AXL: variants seen among roughly 807,000 people sequenced by gnomAD.
AXL encodes the protein AXL receptor tyrosine kinase.
Under a neutral mutation model 104.5 loss-of-function variants are expected in AXL, and 52 were observed. The observed-to-expected ratio is 0.50, with a 90% CI of 0.40 to 0.63. The LOEUF is 0.63. AXL is among the 20% of genes least tolerant of loss of function. The pLI is 0.00. For synonymous variants in AXL, 455 were observed against 473.7 expected (o/e 0.96, Z 0.51); for missense variants, 1,024 against 1,188.5 (o/e 0.86, Z 2.04).
rs199709000 is a variant in AXL, at chr19:41,259,618, G to A, written c.2399G>A (p.Arg800Gln). The A allele has an allele frequency of 1.2e-4, 199 of 1,613,760 alleles. No individual in the cohort carries two copies. Among genetic ancestry groups the A allele is most frequent in the Admixed American group, 2.5e-4 (15 of 59,970 alleles). The change falls in exon 20 of 20, where the codon CGG becomes CAG. Residue 800 changes from arginine to glutamine, a missense_variant. Physicochemically the swap from Arg to Gln is conservative, Grantham distance 43. Coordinates refer to ENST00000301178, the MANE Select transcript of AXL (RefSeq NM_021913.5). Reference protein sequence around the residue: ...PQDRPSFTELREDLENTLKAL... With the variant: ...PQDRPSFTELQEDLENTLKAL... ...GACCGGCCAAGTTTTACAGAGCTGC[G>A]GGAAGATTTGGAGAACACACTGAAG...
At chr19:41,247,895 T>TTTTTATTTTATTTTA (rs145835287) in intron 12 of AXL, among the ~76,000 whole-genome samples, 7 of 145,910 alleles carry the variant, frequency 4.8e-5, no homozygotes, top group Admixed American at 6.8e-5. Context: ...AAAAGAAATA[T>TTTTTATTTTATTTTA]TTTTATTTTA....
chr19:41,259,386 T>G (rs1366266189), intron 19 of AXL, among the ~76,000 whole-genome samples, 167 bp from the exon 20 acceptor site: 3 of 151,916 alleles, frequency 2.0e-5, no homozygotes, highest in African/African-American at 7.3e-5. Flanking sequence ...ACTCAGAAAT[T>G]CTTGGGAATT....
At chr19:41,221,279 A>G (rs1183571024) in intron 3 of AXL, 33 bp downstream of exon 3, 1 of 1,591,520 alleles carries the variant, frequency 6.3e-7, no homozygotes, top group Non-Finnish European at 8.6e-7. Context: ...CTGAGGGGTC[A>G]GAGGACATGT....
At chr19:41,238,254 G>A in intron 7 of AXL, 100 bp downstream of exon 7, 1 of 1,465,710 alleles carries the variant, frequency 6.8e-7, no homozygotes, top group Non-Finnish European at 9.5e-7. Context: ...TACCCCTCAT[G>A]GCCTCAATCT....
At chr19:41,223,776 C>T (rs1040483481) in intron 4 of AXL, among the ~76,000 whole-genome samples, 8 of 151,758 alleles carry the variant, frequency 5.3e-5, no homozygotes, top group Non-Finnish European at 1.2e-4. Context: ...CCTGGCAGGT[C>T]CCATGAGAAG....
chr19:41,240,715 C>G (rs2034167589), intron 10 of AXL, among the ~76,000 whole-genome samples: 1 of 152,132 alleles, frequency 6.6e-6, no homozygotes, highest in Non-Finnish European at 1.5e-5. Context: ...ATCCGTTCCT[C>G]CCACATGACC....
chr19:41,224,984 C>CAAA lies in AXL; in HGVS notation c.586+2928_586+2929insAAA, dbSNP rs559654139. Among the ~76,000 whole-genome samples, 8 of 152,224 alleles carry CAAA rather than the reference C, an allele frequency of 5.3e-5. No individual in the cohort carries two copies. The South Asian group carries it at 1.5e-3, about 28-fold the overall frequency. ...TGTCTGCATCAGGCCTGCGCATCTA[C>CAAA]GAAACTGTGTTTTTTTGTTTTTTGG... On this transcript the variant is annotated intron_variant, in intron 4 of 19. Coordinates refer to ENST00000301178, the MANE Select transcript of AXL (RefSeq NM_021913.5).
chr19:41,258,858 G>A (rs1270589015), intron 19 of AXL, among the ~76,000 whole-genome samples: 1 of 152,228 alleles, frequency 6.6e-6, no homozygotes, highest in East Asian at 1.9e-4. Flanking sequence ...TTAGCAGGGT[G>A]ATTTTGGTTC....
At chr19:41,232,655 GAAAACC>G (rs1599730364) in intron 6 of AXL, among the ~76,000 whole-genome samples, 1 of 151,514 alleles carries the variant, frequency 6.6e-6, no homozygotes, top group Non-Finnish European at 1.5e-5. Flanking sequence ...AAAGAAAGAA[GAAAACC>G]AAAACCAAAA....
Position 41,234,343 on chromosome 19 carries a change from G to A in AXL, c.783+3045G>A, listed in dbSNP as rs575601121. Among the ~76,000 whole-genome samples the A allele has an allele frequency of 4.6e-5, 7 of 152,220 alleles. No individual in the cohort carries two copies. In the South Asian group the frequency reaches 6.2e-4, roughly 14 times the overall value. Reference sequence around the variant, plus strand: ...GCACTCAAGAAATATTTGCTAGGCCGGGTGCCATGGCTCACACCTGTAATA... The same window carrying A: ...GCACTCAAGAAATATTTGCTAGGCCAGGTGCCATGGCTCACACCTGTAATA... On this transcript the variant is annotated intron_variant, in intron 6 of 19. Transcript: ENST00000301178.
In AXL at chr19:41,255,745, T is replaced by G. The variant is rs187444745; in HGVS notation, c.2037-707T>G. Among the ~76,000 whole-genome samples the G allele has an allele frequency of 1.9e-3, 295 of 151,982 alleles. 2 individuals carry two copies. Among genetic ancestry groups the G allele is most frequent in the African/African-American group, 5.6e-3 (232 of 41,450 alleles). ...CTTGAGCCACTGTGCCTGTTTTTTT[T>G]TTTGTTTGTTTTTGAGACGGAGTCT... On this transcript the variant is annotated intron_variant, in intron 17 of 19. Coordinates refer to ENST00000301178, the MANE Select transcript of AXL (RefSeq NM_021913.5).
chr19:41,252,531 A>C, intron 15 of AXL, 88 bp downstream of exon 15: 3 of 1,455,174 alleles, frequency 2.1e-6, no homozygotes, highest in Non-Finnish European at 2.9e-6. Context: ...TGGGAAGATC[A>C]AACTTCCAGG....
rs1217450770 is a variant in AXL, at chr19:41,219,496, T to C, written c.85+19T>C. On this transcript the variant is annotated intron_variant, in intron 1 of 19. Transcript: ENST00000301178. ...CCCAGGGGTGAGTGATGGGGGCTCC[T>C]TGGGGCAGGGATCCCCTCGGAGGGG... is the stretch of plus-strand genomic sequence containing the variant. The C allele has an allele frequency of 6.3e-7, 1 of 1,591,750 alleles. No individual in the cohort carries two copies. Among genetic ancestry groups the C allele is most frequent in the Admixed American group, 1.8e-5 (1 of 57,096 alleles).
chr19:41,260,087 A>T lies in AXL; in HGVS notation c.*183A>T. 1.8e-6 allele frequency: 1 copy of T among 555,208 alleles called. No individual in the cohort carries two copies. Among genetic ancestry groups the T allele is most frequent in the Non-Finnish European group, 3.1e-6 (1 of 320,080 alleles). 34.4% of individuals were successfully genotyped at this position (555,208 alleles called of 1,614,324 possible). On this transcript the variant is annotated 3_prime_UTR_variant, in exon 20 of 20. Transcript: ENST00000301178. ...CTCTGTGCAGTAGCATCACCTTGAAAGCAGTAGCATCACCATCTGTAAAAG... is the reference window on the plus strand; with the variant it reads ...CTCTGTGCAGTAGCATCACCTTGAATGCAGTAGCATCACCATCTGTAAAAG...
intron 14 of AXL, 64 bp downstream of exon 14, chr19:41,248,884 GC>G: frequency 6.7e-7 from 1 of 1,487,358 alleles, no homozygotes. Context: ...ACAGAAGAGA[GC>G]AAGCAAGTTA....
At chr19:41,240,376 G>GTGGATGGATGGATGGA (rs34483903) in intron 10 of AXL, among the ~76,000 whole-genome samples, 2 of 149,308 alleles carry the variant, frequency 1.3e-5, no homozygotes, top group African/African-American at 5.0e-5. Context: ...GGGTAGATGG[G>GTGGATGGATGGATGGA]TGGATGGATG....
intron 10 of AXL, among the ~76,000 whole-genome samples, chr19:41,240,106 T>C (rs1312415490): frequency 4.8e-5 from 7 of 145,912 alleles, no homozygotes; most frequent in Admixed American, 4.8e-4. Context: ...TGGGTGGATA[T>C]ATGGAGAATG....
intron 7 of AXL, 24 bp from the exon 8 acceptor site, chr19:41,238,446 C>T: frequency 6.3e-7 from 1 of 1,598,126 alleles, no homozygotes; most frequent in Non-Finnish European, 8.6e-7. Flanking sequence ...GGGGTGCCAG[C>T]TTCCCCTCTT....
In AXL at chr19:41,244,868, CCA is replaced by C. The variant is rs563866350; in HGVS notation, c.1537+1166_1537+1167del. ...GAGTGGTTAAGTCACTTGCCCAAGG[CCA>C]CACAGCTTGTAAATTGGATAGCTGG... On this transcript the variant is annotated intron_variant, in intron 12 of 19. Transcript: ENST00000301178. Among the ~76,000 whole-genome samples, 1,108 of 152,096 alleles carry C rather than the reference CCA, an allele frequency of 7.3e-3. 8 individuals are homozygous for C. The highest frequency in any genetic ancestry group is 0.016 in the South Asian group (75 of 4,822).
Sources: gnomAD v4.1 joint callset for allele counts (sites outside exome capture counted in the v4.1 genomes callset) on GRCh38, gnomAD v4.1.1 for gene constraint, MANE v1.5 for transcripts, NCBI Gene and HGNC (gene_info 2026-07-23, HGNC 2026-07-21) for gene names.